Variants in COL6A1 observed in about 807,000 individuals in gnomAD.
COL6A1 encodes collagen alpha-1(VI) chain.
Under a neutral mutation model 145.6 loss-of-function variants are expected in COL6A1, and 80 were observed. The ratio of observed to expected loss-of-function variants is 0.55; its 90% CI spans 0.46 to 0.66. COL6A1 has a LOEUF of 0.66. Among genes scored for constraint, COL6A1 ranks in the 30% least tolerant of loss-of-function variants. COL6A1 has a pLI of 0.00. For missense variants in COL6A1, 1,364 were observed against 1,473.8 expected, an observed-to-expected ratio of 0.93 and a Z score of 1.22; for synonymous variants, 638 against 622.8, an observed-to-expected ratio of 1.02 and a Z score of -0.36.
At chr21:45,990,946 G>C (rs564283805) in intron 14 of COL6A1, 33 bp from the exon 15 acceptor site, 23 of 1,613,016 alleles carry the variant, frequency 1.4e-5, no homozygotes, top group Middle Eastern at 1.7e-4. Flanking sequence ...GGTGGCCTCT[G>C]CCGGTGGTGT....
At chr21:46,001,092 G>A (rs1287914032) in intron 29 of COL6A1, 161 bp from the exon 30 acceptor site, 13 of 1,014,792 alleles carry the variant, frequency 1.3e-5, no homozygotes, top group Middle Eastern at 3.1e-4. Flanking sequence ...CAGCCTTTAC[G>A]GGGCCATGGG....
intron 33 of COL6A1, 146 bp downstream of exon 33, chr21:46,002,856 T>C (rs1321249240): frequency 8.6e-7 from 1 of 1,168,438 alleles, no homozygotes; most frequent in African/African-American, 1.6e-5. Context: ...CCCAGGGCCG[T>C]CCCAGATCTG....
At chr21:45,999,265 C>A in intron 26 of COL6A1, 47 bp downstream of exon 26, 1 of 1,512,366 alleles carries the variant, frequency 6.6e-7, no homozygotes, top group Non-Finnish European at 9.0e-7. Flanking sequence ...GTGCCTGGGA[C>A]GCCGGATGCT....
chr21:45,998,445 C>A lies in COL6A1; in HGVS notation c.1611+12C>A. On this transcript the variant is annotated intron_variant, in intron 24 of 34. Coordinates refer to ENST00000361866, the MANE Select transcript of COL6A1 (RefSeq NM_001848.3). ...CTCCCGGGATAAACGTGAGTACGCC[C>A]CCTCCTCCATCTGGCTGTGGGCACA... is the stretch of plus-strand genomic sequence containing the variant. The A allele has an allele frequency of 6.2e-7, 1 of 1,613,264 alleles. No homozygotes were observed. Among genetic ancestry groups the A allele is most frequent in the Non-Finnish European group, 8.5e-7 (1 of 1,179,988 alleles).
intron 3 of COL6A1, among the ~76,000 whole-genome samples, chr21:45,984,687 C>CAGAGACAGAGAGAGAT (rs1279082241): frequency 2.0e-5 from 3 of 151,450 alleles, no homozygotes; most frequent in African/African-American, 7.3e-5. Context: ...CAGAGAGAGA[C>CAGAGACAGAGAGAGAT]AGAGACAGAG....
rs772982799 is a variant in COL6A1 at position 45,994,504 on chromosome 21, C to T, written c.1398+275C>T. On this transcript the variant is annotated intron_variant, in intron 20 of 34. Coordinates refer to ENST00000361866, the MANE Select transcript of COL6A1 (RefSeq NM_001848.3). The surrounding 1 kb of genome is among the most constrained non-coding windows in gnomAD (Gnocchi z 6.8). ...GGAGAAGCGCTGTCTGGGGGCCCATCCGGGGCAAGGGTGCCTCACAGTGAG... is the reference window on the plus strand; with the variant it reads ...GGAGAAGCGCTGTCTGGGGGCCCATTCGGGGCAAGGGTGCCTCACAGTGAG... Among the ~76,000 whole-genome samples, 1 of 152,080 alleles carries T rather than the reference C, an allele frequency of 6.6e-6. No individual in the cohort carries two copies. The highest frequency in any genetic ancestry group is 1.9e-4 in the East Asian group (1 of 5,156).
rs113682430 is a variant in COL6A1 at position 45,986,425 on chromosome 21, C to T, written c.429-101C>T. 9.3e-6 allele frequency: 11 copies of T among 1,184,056 alleles called. No individual in the cohort carries two copies. In the East Asian group the frequency reaches 2.8e-4, roughly 30 times the overall value. 73.3% of individuals were successfully genotyped at this position (1,184,056 alleles called of 1,614,324 possible). A position where few individuals can be genotyped will look rare whatever the true frequency, so the allele number is the denominator to read the frequency against. On this transcript the variant is annotated intron_variant, in intron 3 of 34. Coordinates refer to ENST00000361866, the MANE Select transcript of COL6A1 (RefSeq NM_001848.3). ...CCAGGATCAGCAAAGAGAGGCGGCT[C>T]CTCCCGGTGAGACAGGGACCAGCAC...
intron 24 of COL6A1, 121 bp from the exon 25 acceptor site, chr21:45,998,776 T>C (rs2077821335): frequency 8.2e-7 from 1 of 1,221,626 alleles, no homozygotes; most frequent in Non-Finnish European, 1.2e-6. Flanking sequence ...AGGAAATGTG[T>C]GTGGTGGGGG....
At position 45,982,165 on chromosome 21, in the gene COL6A1, G is replaced by GCCGGA. The variant is rs138847222; in HGVS notation, c.97+222_97+226dup. The stretch of plus-strand genomic sequence containing the variant: ...CTCAGCATTCAGCATTCTCAGCGGG[G>GCCGGA]CCGGACCGCAGGCAGCTCGGGAGGG... On this transcript the variant is annotated intron_variant, in intron 1 of 34. Coordinates refer to ENST00000361866, the MANE Select transcript of COL6A1 (RefSeq NM_001848.3). Among the ~76,000 whole-genome samples, 13,076 of 152,184 alleles carry GCCGGA rather than the reference G, an allele frequency of 0.086. 622 individuals carry two copies. The highest frequency in any genetic ancestry group is 0.14 in the African/African-American group (5,760 of 41,528).
rs565484749 is a variant in COL6A1 at position 46,003,325 on chromosome 21, C to T, written c.2465-66C>T. 24 of 1,600,944 alleles carry T rather than the reference C, an allele frequency of 1.5e-5. No individual in the cohort carries two copies. The East Asian group carries it at 5.1e-4, about 34-fold the overall frequency. The stretch of plus-strand genomic sequence containing the variant: ...CCTCTCTGGGGAGCTTAGACGCTCT[C>T]TGGCCGGCCCACTGCGGCTGCATCA... On this transcript the variant is annotated intron_variant, in intron 34 of 34. Coordinates refer to ENST00000361866, the MANE Select transcript of COL6A1 (RefSeq NM_001848.3).
Position 45,986,659 on chromosome 21 carries a change from T to C in COL6A1, c.562T>C (p.Ser188Pro). Residue 188 changes from serine to proline, a missense_variant, in exon 4 of 35, where the codon TCG (serine) becomes CCG (proline). Around this residue, in one of 3 missense-constraint regions of COL6A1, gnomAD observed 414 missense variants for 437.6 expected, o/e 0.95. Coordinates refer to ENST00000361866, the MANE Select transcript of COL6A1 (RefSeq NM_001848.3). ...CAAGCACCTGGGCGTCAAAGTCTTCTCGGTGGCCATCACACCCGACCACCT... is the reference window on the plus strand; with the variant it reads ...CAAGCACCTGGGCGTCAAAGTCTTCCCGGTGGCCATCACACCCGACCACCT... ...EAKHLGVKVF[S>P]VAITPDHLEP... is the part of the protein sequence containing the mutation. 2.6e-6 allele frequency: 4 copies of C among 1,549,832 alleles called. No homozygotes were observed. In the South Asian group the frequency reaches 3.6e-5, roughly 14 times the overall value.
intron 15 of COL6A1, among the ~76,000 whole-genome samples, chr21:45,991,550 CTGG>C (rs2077777334): frequency 6.6e-6 from 1 of 152,180 alleles, no homozygotes; most frequent in African/African-American, 2.4e-5. Flanking sequence ...TCTGCCGTTG[CTGG>C]TGTTTTCTCT....
At position 46,001,402 on chromosome 21, in the gene COL6A1, G is replaced by T. The variant is rs755009917; in HGVS notation, c.1956+16G>T. 2 of 1,606,978 alleles carry T rather than the reference G, an allele frequency of 1.2e-6. No individual in the cohort carries two copies. Reference sequence around the variant, plus strand: ...GCTGGTCAAGGTGAGGCCTCGCCCCGCCCGGCTTTCTCAAGCCCAGGTGCA... The same window carrying T: ...GCTGGTCAAGGTGAGGCCTCGCCCCTCCCGGCTTTCTCAAGCCCAGGTGCA... On this transcript the variant is annotated intron_variant, in intron 30 of 34. Coordinates refer to ENST00000361866, the MANE Select transcript of COL6A1 (RefSeq NM_001848.3).
rs559827647 is a variant in COL6A1 at position 46,002,481 on chromosome 21, G to A, written c.2251-46G>A. 255 of 1,613,238 alleles carry A rather than the reference G, an allele frequency of 1.6e-4. 3 individuals are homozygous for A. In the South Asian group the frequency reaches 2.4e-3, roughly 15 times the overall value. On this transcript the variant is annotated intron_variant, in intron 32 of 34. Transcript: ENST00000361866. ...AGGGTGGCCTTGTCCCCAGAAAGAC[G>A]AGGGCAGAGCAGGCTGCGCCACACC...
Position 46,000,776 on chromosome 21 carries a change from C to G in COL6A1, c.1822+9C>G, listed in dbSNP as rs373566530. 16 of 1,613,902 alleles carry G rather than the reference C, an allele frequency of 9.9e-6. No individual in the cohort carries two copies. Among genetic ancestry groups the G allele is most frequent in the Non-Finnish European group, 1.4e-5 (16 of 1,179,902 alleles). On this transcript the variant is annotated intron_variant, in intron 29 of 34. Coordinates refer to ENST00000361866, the MANE Select transcript of COL6A1 (RefSeq NM_001848.3). ...CTCCTCAGCTTGCTGTGGTGAGACC[C>G]AGGCTCTAGCTCCTGAGAGAATGGA...
chr21:45,998,303 G>A, intron 23 of COL6A1, 95 bp from the exon 24 acceptor site: 1 of 1,593,116 alleles, frequency 6.3e-7, no homozygotes, highest in South Asian at 1.1e-5. Flanking sequence ...TCCATGGCCG[G>A]GATTCTGTCA....
chr21:46,001,959 A>AG lies in COL6A1; in HGVS notation c.1957-1dup. On this transcript the variant is annotated splice_acceptor_variant, in intron 30 of 34. Coordinates refer to ENST00000361866, the MANE Select transcript of COL6A1 (RefSeq NM_001848.3). LOFTEE classifies it high-confidence loss of function. ...GTCCTGACCCCGGTGCCGGTCCCACAGTTCGAGCCAGGGCAGTCGTACGCG... is the reference window on the plus strand; with the variant it reads ...GTCCTGACCCCGGTGCCGGTCCCACAGGTTCGAGCCAGGGCAGTCGTACGCG... The AG allele has an allele frequency of 6.2e-7, 1 of 1,611,976 alleles. No individual in the cohort carries two copies. Among genetic ancestry groups the AG allele is most frequent in the Non-Finnish European group, 8.5e-7 (1 of 1,179,678 alleles).
chr21:45,997,279 G>A lies in COL6A1; in HGVS notation c.1399-142G>A. 3.8e-6 allele frequency: 3 copies of A among 796,236 alleles called. No individual in the cohort carries two copies. The East Asian group carries it at 7.8e-5, about 21-fold the overall frequency. The allele number at this position is 796,236 out of a possible 1,614,324, so 49.3% of individuals were successfully genotyped here. On this transcript the variant is annotated intron_variant, in intron 20 of 34. Transcript: ENST00000361866. Reference sequence around the variant, plus strand: ...TTCGTCAGACCCAAGAGTGGGCCTGGCTCTCCCCCTGCACTGATGGGACTG... The same window carrying A: ...TTCGTCAGACCCAAGAGTGGGCCTGACTCTCCCCCTGCACTGATGGGACTG...
intron 6 of COL6A1, 37 bp downstream of exon 6, chr21:45,987,212 GCACACGTCCACC>G (rs776322976): frequency 2.0e-5 from 32 of 1,587,120 alleles, no homozygotes; most frequent in Admixed American, 3.4e-5. Context: ...CCGTGAGTCT[GCACACGTCCACC>G]CACACGTCCA....
Sources: allele counts gnomAD v4.1 joint callset (sites outside exome capture counted in the v4.1 genomes callset), GRCh38; gene constraint gnomAD v4.1.1; regional missense constraint gnomAD v4.1.1; non-coding constraint Gnocchi (gnomAD v3.1); transcripts MANE v1.5; gene names NCBI Gene and HGNC (gene_info 2026-07-23, HGNC 2026-07-21).